The following METTL16 variants were observed in gnomAD, a reference collection of about 807,000 sequenced individuals.
The protein encoded by METTL16 is methyltransferase 16, RNA N6-adenosine.
Under a neutral mutation model 57.9 loss-of-function variants are expected in METTL16, and 19 were observed. The ratio of observed to expected loss-of-function variants is 0.33; its 90% CI spans 0.23 to 0.48. The LOEUF is 0.48. Ranked by LOEUF, METTL16 falls within the 20% of genes least tolerant of loss-of-function variation. The pLI is 0.99. For synonymous variants in METTL16, 246 were observed against 255.6 expected (o/e 0.96, Z 0.36); for missense variants, 434 against 691.5 (o/e 0.63, Z 4.18).
At chr17:2,430,947 A>T (rs959757342) in intron 8 of METTL16, among the ~76,000 whole-genome samples, 113 of 151,338 alleles carry the variant, frequency 7.5e-4, no homozygotes, top group Admixed American at 1.5e-3. Flanking sequence ...AAATAATAAT[A>T]ATTATTATTA....
chr17:2,464,152 C>A, intron 6 of METTL16, 56 bp downstream of exon 6: 2 of 1,545,504 alleles, frequency 1.3e-6, no homozygotes, highest in South Asian at 1.2e-5. Context: ...AACTACATAG[C>A]GGGTAAATAT....
chr17:2,488,581 A>T (rs1198317331), intron 2 of METTL16, among the ~76,000 whole-genome samples: 1 of 151,104 alleles, frequency 6.6e-6, no homozygotes, highest in Non-Finnish European at 1.5e-5. Flanking sequence ...AAAACAAATT[A>T]AAAAAAACAA....
intron 6 of METTL16, chr17:2,460,214 C>T (rs928868440): frequency 2.1e-4 from 32 of 152,116 alleles, no homozygotes; most frequent in Non-Finnish European, 4.7e-4. Flanking sequence ...TGAGTCCTCA[C>T]AGAGAAGAAA....
chr17:2,474,170 T>A (rs927716071), intron 3 of METTL16, among the ~76,000 whole-genome samples: 1 of 152,146 alleles, frequency 6.6e-6, no homozygotes, highest in Admixed American at 6.6e-5. Context: ...TGATTTACTT[T>A]GTAAAGAGTC....
At chr17:2,487,472 T>G (rs966613744) in intron 2 of METTL16, among the ~76,000 whole-genome samples, 1 of 152,116 alleles carries the variant, frequency 6.6e-6, no homozygotes, top group African/African-American at 2.4e-5. Context: ...CAGAGGAAGT[T>G]CCACAAGGAG....
chr17:2,466,788 TA>T (rs1289465048), intron 5 of METTL16, among the ~76,000 whole-genome samples: 4 of 152,150 alleles, frequency 2.6e-5, no homozygotes, highest in African/African-American at 4.8e-5. Context: ...GTTACATTGT[TA>T]TTTTTTTTTG....
intron 8 of METTL16, among the ~76,000 whole-genome samples, chr17:2,427,413 A>G (rs1251756229): frequency 1.3e-5 from 2 of 152,226 alleles, no homozygotes; most frequent in Non-Finnish European, 2.9e-5. Flanking sequence ...GAAAATTCAG[A>G]GTGGAAACGT....
chr17:2,500,953 C>G (rs1026982176), intron 2 of METTL16, among the ~76,000 whole-genome samples: 2 of 151,848 alleles, frequency 1.3e-5, no homozygotes, highest in African/African-American at 4.8e-5. Flanking sequence ...TCTGTCCCTA[C>G]TAAAAATACA....
intron 6 of METTL16, among the ~76,000 whole-genome samples, chr17:2,448,781 T>TAAA (rs1369462081): frequency 8.9e-5 from 3 of 33,694 alleles, no homozygotes; most frequent in African/African-American, 2.9e-4. Context: ...AATAAAAAAA[T>TAAA]AAAAAAATAA....
downstream of METTL16, chr17:2,415,889 G>A (rs950047060): frequency 2.0e-5 from 3 of 152,036 alleles, no homozygotes; most frequent in African/African-American, 7.3e-5. Context: ...TCATTAACTA[G>A]ATATCAAGAA....
intron 1 of METTL16, among the ~76,000 whole-genome samples, chr17:2,506,819 G>A (rs1245557718): frequency 1.3e-5 from 2 of 150,840 alleles, no homozygotes; most frequent in Non-Finnish European, 3.0e-5. Context: ...CTGCCCGGCC[G>A]CCATCCCATC....
Position 2,482,803 on chromosome 17 carries a change from G to A in METTL16, c.129-4918C>T, listed in dbSNP as rs978175590. On this transcript the variant is annotated intron_variant, in intron 2 of 9. Transcript: ENST00000263092. ...GTGGTTGTGTGAGCCTGCGGTCCCC[G>A]CTACGCAGGAGGCAGGAGGATCACT... Among the ~76,000 whole-genome samples, 150 of 152,216 alleles carry A rather than the reference G, an allele frequency of 9.9e-4. 1 individual carries two copies. The highest frequency in any genetic ancestry group is 3.4e-3 in the African/African-American group (143 of 41,532).
intron 1 of METTL16, among the ~76,000 whole-genome samples, chr17:2,505,422 T>C (rs1180157596): frequency 8.6e-6 from 1 of 116,768 alleles, no homozygotes; most frequent in East Asian, 2.9e-4. Context: ...TTTTTTTTTT[T>C]TTTTTTTTTA....
At chr17:2,498,355 T>C (rs2067461862) in intron 2 of METTL16, among the ~76,000 whole-genome samples, 1 of 151,192 alleles carries the variant, frequency 6.6e-6, no homozygotes, top group Admixed American at 6.6e-5. Flanking sequence ...GAGCTTGCGG[T>C]GAGCCGAGAC....
At chr17:2,474,671 G>T (rs2067257888) in intron 3 of METTL16, among the ~76,000 whole-genome samples, 1 of 152,182 alleles carries the variant, frequency 6.6e-6, no homozygotes, top group African/African-American at 2.4e-5. Flanking sequence ...CACACCTGTA[G>T]TCCCAGCACT....
chr17:2,433,696 AAAC>A (rs2066890447), intron 8 of METTL16, among the ~76,000 whole-genome samples: 1 of 152,216 alleles, frequency 6.6e-6, no homozygotes, highest in African/African-American at 2.4e-5. Flanking sequence ...TGAAGTATTC[AAAC>A]AACAACAAAT....
At chr17:2,429,732 C>T (rs1248270693) in intron 8 of METTL16, among the ~76,000 whole-genome samples, 1 of 151,878 alleles carries the variant, frequency 6.6e-6, no homozygotes, top group Non-Finnish European at 1.5e-5. Flanking sequence ...TACCACATAC[C>T]ACCTGCAAAG....
chr17:2,424,087 CTTTTATTTTATTTTA>C (rs1158075656), intron 8 of METTL16: 5 of 136,806 alleles, frequency 3.7e-5, no homozygotes, highest in African/African-American at 1.3e-4. Flanking sequence ...AAAAATTTTC[CTTTTATTTTATTTTA>C]TTTTATTTTA....
At chr17:2,467,713 A>C (rs1597458515) in intron 5 of METTL16, 48 bp downstream of exon 5, 4 of 1,465,062 alleles carry the variant, frequency 2.7e-6, no homozygotes, top group Non-Finnish European at 3.8e-6. Flanking sequence ...GGCGTGAGCC[A>C]CCGCGCCCAG....
Sources: allele counts gnomAD v4.1 joint callset (sites outside exome capture counted in the v4.1 genomes callset), GRCh38; gene constraint gnomAD v4.1.1; transcripts MANE v1.5; gene names NCBI Gene and HGNC (gene_info 2026-07-23, HGNC 2026-07-21).